EFCAB5: variants seen among roughly 807,000 people sequenced by gnomAD.
EFCAB5 encodes the protein EF-hand calcium-binding domain-containing protein 5.
Under a neutral mutation model 167.9 loss-of-function variants are expected in EFCAB5, and 131 were observed. That is an observed-to-expected ratio of 0.78 (90% CI 0.68 to 0.90). EFCAB5 has a LOEUF of 0.90. Ranked by LOEUF, EFCAB5 falls within the 40% of genes least tolerant of loss-of-function variation. EFCAB5 has a pLI of 0.00. For synonymous variants in EFCAB5, 574 were observed against 602.8 expected, an observed-to-expected ratio of 0.95 and a Z score of 0.70; for missense variants, 1,663 against 1,745.2, an observed-to-expected ratio of 0.95 and a Z score of 0.84.
At chr17:29,986,740 G>A (rs937022033) in intron 4 of EFCAB5, among the ~76,000 whole-genome samples, 1 of 138,022 alleles carries the variant, frequency 7.2e-6, no homozygotes, top group African/African-American at 2.8e-5. Flanking sequence ...TCCGCCCCCT[G>A]GGGTTCACGC....
At position 29,967,473 on chromosome 17, in the gene EFCAB5, C is replaced by T. The variant is rs151222828; in HGVS notation, c.191-1318C>T. Among the ~76,000 whole-genome samples the T allele has an allele frequency of 3.1e-3, 469 of 152,296 alleles. 3 individuals carry two copies. In the Middle Eastern group the frequency reaches 0.044, roughly 14 times the overall value. On this transcript the variant is annotated intron_variant, in intron 3 of 22. Coordinates refer to ENST00000394835, the MANE Select transcript of EFCAB5 (RefSeq NM_198529.4). ...AAAAAGGTCAGTCTTTCTCCTATGACCCATATCTACATCCTCTAAACTTGG... is the reference window on the plus strand; with the variant it reads ...AAAAAGGTCAGTCTTTCTCCTATGATCCATATCTACATCCTCTAAACTTGG...
intron 8 of EFCAB5, among the ~76,000 whole-genome samples, chr17:30,050,894 T>C (rs1052342692): frequency 1.3e-5 from 2 of 152,174 alleles, no homozygotes; most frequent in Non-Finnish European, 2.9e-5. Flanking sequence ...TTCTTAAACA[T>C]TTACTAAGTA....
intron 7 of EFCAB5, among the ~76,000 whole-genome samples, chr17:30,013,836 T>A (rs1042539721): frequency 6.6e-6 from 1 of 152,240 alleles, no homozygotes; most frequent in African/African-American, 2.4e-5. Context: ...ATTTCTTGCC[T>A]TCTGCTAGCT....
At chr17:29,953,119 T>G (rs895251887) in intron 3 of EFCAB5, among the ~76,000 whole-genome samples, 1 of 152,120 alleles carries the variant, frequency 6.6e-6, no homozygotes, top group Admixed American at 6.6e-5. Flanking sequence ...GCACACTACA[T>G]GATCCTATAT....
intron 1 of EFCAB5, among the ~76,000 whole-genome samples, chr17:29,932,311 C>T (rs112340396): frequency 0.04 from 6,031 of 151,088 alleles, 398 homozygotes; most frequent in African/African-American, 0.14. Context: ...CCACCACACC[C>T]GGCTAGTTTT....
Position 29,968,963 on chromosome 17 carries a change from A to G in EFCAB5, c.363A>G (p.Arg121=), listed in dbSNP as rs2067891084. Residue 121 remains arginine (R), a synonymous_variant, in exon 4 of 23, where the codon AGA becomes AGG. Coordinates refer to ENST00000394835, the MANE Select transcript of EFCAB5 (RefSeq NM_198529.4). ...CATGGAAGAAAAACCTTTTTGAAAGAATGGAGGCAAGAGCCCAAGCAATGC... is the reference window on the plus strand; with the variant it reads ...CATGGAAGAAAAACCTTTTTGAAAGGATGGAGGCAAGAGCCCAAGCAATGC... ...EHTWKKNLFE[R]MEARAQAMQQ... 1 of 1,590,532 alleles carries G rather than the reference A, an allele frequency of 6.3e-7. No individual in the cohort carries two copies.
chr17:29,960,880 G>T (rs1421401622), intron 3 of EFCAB5, among the ~76,000 whole-genome samples: 1 of 151,922 alleles, frequency 6.6e-6, no homozygotes, highest in Non-Finnish European at 1.5e-5. Flanking sequence ...ATTTTTTTAA[G>T]AGACAGGGTC....
intron 7 of EFCAB5, among the ~76,000 whole-genome samples, chr17:30,006,265 A>C (rs1415701548): frequency 1.3e-5 from 2 of 152,100 alleles, no homozygotes; most frequent in African/African-American, 4.8e-5. Context: ...ATTGTTTTAA[A>C]ATTTTGGTGG....
chr17:30,056,154 C>G lies in EFCAB5; in HGVS notation c.2363C>G (p.Thr788Arg). Reference sequence around the variant, plus strand: ...TTAATCTATGGTAACTCCAGGTTCACAGGTACATGTTAACAATGAAAGTAG... The same window carrying G: ...TTAATCTATGGTAACTCCAGGTTCAGAGGTACATGTTAACAATGAAAGTAG... ...ANLIYGNSRFTDLHSIIRNIQ... is the reference protein window; with the variant it reads ...ANLIYGNSRFRDLHSIIRNIQ... The change falls in exon 12 of 23, where the codon ACA becomes AGA. Residue 788 changes from threonine to arginine, a missense_variant and splice_region_variant. By Grantham distance (71) the Thr-to-Arg change is moderately conservative. Coordinates refer to ENST00000394835, the MANE Select transcript of EFCAB5 (RefSeq NM_198529.4). The G allele has an allele frequency of 6.2e-7, 1 of 1,606,390 alleles. No homozygotes were observed. The highest frequency in any genetic ancestry group is 8.5e-7 in the Non-Finnish European group (1 of 1,175,862).
Position 30,082,865 on chromosome 17 carries a change from G to A in EFCAB5, c.3427-26G>A, listed in dbSNP as rs748125162. 2 of 1,586,608 alleles carry A rather than the reference G, an allele frequency of 1.3e-6. 1 individual carries two copies. Among genetic ancestry groups the A allele is most frequent in the South Asian group, 2.3e-5 (2 of 86,934 alleles). ...TATTTTTCTATTTTAAAAAGAATAGGCTATTTGAATTTTCTGTCTCTACAG... is the reference window on the plus strand; with the variant it reads ...TATTTTTCTATTTTAAAAAGAATAGACTATTTGAATTTTCTGTCTCTACAG... On this transcript the variant is annotated intron_variant, in intron 17 of 22. Coordinates refer to ENST00000394835, the MANE Select transcript of EFCAB5 (RefSeq NM_198529.4).
intron 22 of EFCAB5, among the ~76,000 whole-genome samples, chr17:30,098,966 T>C (rs553404271): frequency 6.6e-6 from 1 of 152,360 alleles, no homozygotes; most frequent in Admixed American, 6.5e-5. Context: ...CCATCTATGT[T>C]CTAGCTTGTA....
chr17:30,011,511 G>T (rs2068900892), intron 7 of EFCAB5, among the ~76,000 whole-genome samples: 2 of 152,116 alleles, frequency 1.3e-5, no homozygotes, highest in South Asian at 4.1e-4. Context: ...TCCTTGAAGA[G>T]GTCCTTCACA....
intron 8 of EFCAB5, 49 bp downstream of exon 8, chr17:30,034,434 C>CACG (rs1472415216): frequency 4.5e-6 from 7 of 1,542,770 alleles, no homozygotes; most frequent in Non-Finnish European, 6.1e-6. Flanking sequence ...CACTGTGGCT[C>CACG]ACGCCTGTAA....
chr17:30,090,113 T>A (rs560699812), intron 19 of EFCAB5, among the ~76,000 whole-genome samples: 7 of 152,256 alleles, frequency 4.6e-5, no homozygotes, highest in African/African-American at 1.2e-4. Context: ...AAACAAAAAA[T>A]GAACACCTTC....
chr17:29,930,279 G>C (rs910170989), intron 1 of EFCAB5: 5 of 489,868 alleles, frequency 1.0e-5, no homozygotes, highest in South Asian at 2.6e-5. Context: ...CTCTCCCCTC[G>C]GCGCGCGCCG....
rs368279333 is a variant in EFCAB5 at position 29,989,616 on chromosome 17, G to A, written c.768-3549G>A. On this transcript the variant is annotated intron_variant, in intron 4 of 22. Coordinates refer to ENST00000394835, the MANE Select transcript of EFCAB5 (RefSeq NM_198529.4). ...AGTCCTGGCTGCCATGTCCCCATAG[G>A]TTGTATAACTGAATTAATGGCTCTT... 2.0e-5 allele frequency among the ~76,000 whole-genome samples: 3 copies of A among 152,262 alleles called. No individual in the cohort carries two copies. The East Asian group carries it at 5.8e-4, about 29-fold the overall frequency.
intron 14 of EFCAB5, among the ~76,000 whole-genome samples, chr17:30,076,325 A>G (rs2070867643): frequency 6.6e-6 from 1 of 152,254 alleles, no homozygotes; most frequent in Non-Finnish European, 1.5e-5. Context: ...AAGGAATAGA[A>G]TGTCATGACT....
At chr17:29,976,013 C>A (rs2068057148) in intron 4 of EFCAB5, among the ~76,000 whole-genome samples, 1 of 152,140 alleles carries the variant, frequency 6.6e-6, no homozygotes, top group Admixed American at 6.5e-5. Flanking sequence ...TTAATAAATA[C>A]CTTAAGGAAC....
Position 30,053,595 on chromosome 17 carries a change from AAC to A in EFCAB5, c.1649_1650del (p.Thr550ArgfsTer10). 6.2e-7 allele frequency: 1 copy of A among 1,613,998 alleles called. No individual in the cohort carries two copies. Among genetic ancestry groups the A allele is most frequent in the Non-Finnish European group, 8.5e-7 (1 of 1,179,884 alleles). On this transcript the variant is annotated frameshift_variant, in exon 10 of 23. Coordinates refer to ENST00000394835, the MANE Select transcript of EFCAB5 (RefSeq NM_198529.4). LOFTEE classifies it high-confidence loss of function. ...ACATAGAATCAGTAATAGAACCAGG[AAC>A]ACACACAGAGTCAACTCTAGAACAA... ...LYIESVIEPG[T>X]HTESTLEQGS...
Sources: gnomAD v4.1 joint callset for allele counts (sites outside exome capture counted in the v4.1 genomes callset) on GRCh38, gnomAD v4.1.1 for gene constraint, MANE v1.5 for transcripts, NCBI Gene and HGNC (gene_info 2026-07-23, HGNC 2026-07-21) for gene names.